Variants in RPS6KA2 observed in about 807,000 individuals in gnomAD.
RPS6KA2 encodes the protein ribosomal protein S6 kinase A2.
Under a neutral mutation model 91.8 loss-of-function variants are expected in RPS6KA2, and 42 were observed. That is an observed-to-expected ratio of 0.46 (90% confidence interval 0.36 to 0.59). The LOEUF (loss-of-function observed/expected upper bound fraction) is 0.59. RPS6KA2 is among the 20% of genes least tolerant of loss of function. The pLI is 0.00. For synonymous variants in RPS6KA2, 414 were observed against 393.6 expected, an observed-to-expected ratio of 1.05 and a Z score of -0.61; for missense variants, 798 against 978.5, an observed-to-expected ratio of 0.82 and a Z score of 2.46.
chr6:166,774,975 G>C (rs2072640), intron 2 of RPS6KA2, among the ~76,000 whole-genome samples: 1 of 151,974 alleles, frequency 6.6e-6, no homozygotes, highest in South Asian at 2.1e-4. Flanking sequence ...GAGGAGAAAC[G>C]GCAGGTGGCA....
In RPS6KA2 at chr6:166,681,086, C is replaced by T. The variant is rs575858701; in HGVS notation, c.124-142302G>A. Reference sequence around the variant, plus strand: ...TTGTTCCCTAGTGAAGCACAGAAAGCAGGGAAAATTGGAGAAGGTGGAAAG... The same window carrying T: ...TTGTTCCCTAGTGAAGCACAGAAAGTAGGGAAAATTGGAGAAGGTGGAAAG... On this transcript the variant is annotated intron_variant, in intron 2 of 21. Transcript: ENST00000503859. Among the ~76,000 whole-genome samples, 3 of 152,282 alleles carry T rather than the reference C, an allele frequency of 2.0e-5. 1 individual carries two copies. Among genetic ancestry groups the T allele is most frequent in the Admixed American group, 2.0e-4 (3 of 15,298 alleles).
chr6:166,485,484 T>C (rs2128471700), intron 10 of RPS6KA2, among the ~76,000 whole-genome samples: 1 of 152,114 alleles, frequency 6.6e-6, no homozygotes, highest in African/African-American at 2.4e-5. Flanking sequence ...CCCAGAAGGA[T>C]TACATCCACA....
intron 1 of RPS6KA2, among the ~76,000 whole-genome samples, chr6:166,606,629 C>T (rs1785965253): frequency 6.6e-6 from 1 of 152,166 alleles, no homozygotes. Flanking sequence ...ATACATAATT[C>T]TTATAACTCA....
chr6:166,631,631 C>G (rs1267397584), upstream of RPS6KA2, among the ~76,000 whole-genome samples: 3 of 152,226 alleles, frequency 2.0e-5, no homozygotes, highest in African/African-American at 7.2e-5. Flanking sequence ...CCTGGTAACA[C>G]AGATTTTTTT....
In RPS6KA2 at chr6:166,412,903, C is replaced by T; in HGVS notation, c.2077-16G>A. On this transcript the variant is annotated splice_polypyrimidine_tract_variant and intron_variant, in intron 20 of 20. Transcript: ENST00000265678. The surrounding 1 kb of genome is among the most constrained non-coding windows in gnomAD (Gnocchi z 4.3). Reference sequence around the variant, plus strand: ...CCATCGCGCCCTGCAAAACAGAAGACAAGGGTGAGAGCCGCGGCGCCTCAC... The same window carrying T: ...CCATCGCGCCCTGCAAAACAGAAGATAAGGGTGAGAGCCGCGGCGCCTCAC... 6.5e-7 allele frequency: 1 copy of T among 1,545,708 alleles called. No homozygotes were observed. The highest frequency in any genetic ancestry group is 8.7e-7 in the Non-Finnish European group (1 of 1,143,544).
intron 1 of RPS6KA2, among the ~76,000 whole-genome samples, chr6:166,559,057 T>A (rs1340864806): frequency 6.6e-6 from 1 of 152,248 alleles, no homozygotes; most frequent in East Asian, 1.9e-4. Flanking sequence ...CTGATATTCA[T>A]AAACTTGCTA....
At position 166,508,189 on chromosome 6, in the gene RPS6KA2, T is replaced by C; in HGVS notation, c.459+14A>G. ...CTCCTGCCCGCCCTCCTGTGTGATG[T>C]GGCGGCTGCTCACCTCTTTGGAGAG... On this transcript the variant is annotated intron_variant, in intron 5 of 20. Coordinates refer to ENST00000265678, the MANE Select transcript of RPS6KA2 (RefSeq NM_021135.6). This position sits in a 1 kb window ranked among gnomAD's most constrained non-coding sequence, Gnocchi z 4.3. The C allele has an allele frequency of 1.3e-6, 2 of 1,583,388 alleles. No homozygotes were observed. Among genetic ancestry groups the C allele is most frequent in the East Asian group, 2.2e-5 (1 of 44,678 alleles).
chr6:166,849,102 C>T lies in RPS6KA2; in HGVS notation c.123+9098G>A, dbSNP rs1780673764. On this transcript the variant is annotated intron_variant, in intron 2 of 21. Transcript: ENST00000503859. The surrounding 1 kb of genome is among the most constrained non-coding windows in gnomAD (Gnocchi z 4.9). ...CAGCCTGGGCAGCCCCAGGCCTGCA[C>T]ATGGTTCCTGAAGCCAAGCCCAGCT... 6.6e-6 allele frequency among the ~76,000 whole-genome samples: 1 copy of T among 152,160 alleles called. No homozygotes were observed. Among genetic ancestry groups the T allele is most frequent in the African/African-American group, 2.4e-5 (1 of 41,444 alleles).
In RPS6KA2 at chr6:166,586,300, C is replaced by G; in HGVS notation, c.99+40621G>C. 7 of 1,598,818 alleles carry G rather than the reference C, an allele frequency of 4.4e-6. No individual in the cohort carries two copies. In the South Asian group the frequency reaches 7.7e-5, roughly 18 times the overall value. On this transcript the variant is annotated intron_variant, in intron 1 of 20. Transcript: ENST00000265678. ...TCCCTGCCTCTGAACTGTCTGTTGT[C>G]TTGCAACCGATTGCCTCTGTTTCTT...
intron 1 of RPS6KA2, among the ~76,000 whole-genome samples, chr6:166,858,530 G>A (rs1026264397): frequency 6.6e-6 from 1 of 152,228 alleles, no homozygotes; most frequent in African/African-American, 2.4e-5. Flanking sequence ...TCAATGAAGC[G>A]AGTGTGACTT....
chr6:166,664,521 C>A (rs973489085), intron 2 of RPS6KA2, among the ~76,000 whole-genome samples: 3 of 152,088 alleles, frequency 2.0e-5, no homozygotes, highest in African/African-American at 7.2e-5. Context: ...ATGGAGGAAT[C>A]CACACACACA....
rs145199938 is a variant in RPS6KA2, at chr6:166,437,354, T to C, written c.1333-4864A>G. Among the ~76,000 whole-genome samples the C allele has an allele frequency of 9.8e-5, 15 of 152,292 alleles. No individual in the cohort carries two copies. The highest frequency in any genetic ancestry group is 3.3e-4 in the Admixed American group (5 of 15,294). ...AATAATATTGTTTTATAATCTTTAT[T>C]ATGCAACAAAACAGGGAGGCCTTCT... On this transcript the variant is annotated intron_variant, in intron 14 of 20. Coordinates refer to ENST00000265678, the MANE Select transcript of RPS6KA2 (RefSeq NM_021135.6). The surrounding 1 kb of genome is among the most constrained non-coding windows in gnomAD (Gnocchi z 4.3).
intron 1 of RPS6KA2, among the ~76,000 whole-genome samples, chr6:166,573,442 T>C (rs1247924306): frequency 6.6e-6 from 1 of 152,190 alleles, no homozygotes; most frequent in Non-Finnish European, 1.5e-5. Context: ...AGCGCACGTG[T>C]TCTGATGCAG....
At chr6:166,539,381 T>C (rs1409995774) in intron 1 of RPS6KA2, among the ~76,000 whole-genome samples, 1 of 152,164 alleles carries the variant, frequency 6.6e-6, no homozygotes, top group East Asian at 1.9e-4. Context: ...TCTTTAACAG[T>C]CTGGGCAGAA....
In RPS6KA2 at chr6:166,666,451, A is replaced by G. The variant is rs1483156663; in HGVS notation, c.124-127667T>C. Among the ~76,000 whole-genome samples the G allele has an allele frequency of 6.6e-6, 1 of 152,228 alleles. No individual in the cohort carries two copies. The highest frequency in any genetic ancestry group is 2.4e-5 in the African/African-American group (1 of 41,458). On this transcript the variant is annotated intron_variant, in intron 2 of 21. Transcript: ENST00000503859. This position sits in a 1 kb window ranked among gnomAD's most constrained non-coding sequence, Gnocchi z 4.0. ...GTGTTGTTTATAAAATATAAGGATA[A>G]TTTCACCAAAGAAGATATACAAATG...
chr6:166,558,818 T>G (rs959298639), intron 1 of RPS6KA2, among the ~76,000 whole-genome samples: 1 of 152,168 alleles, frequency 6.6e-6, no homozygotes, highest in Non-Finnish European at 1.5e-5. Context: ...GCTGGACACG[T>G]GAACCCATGA....
chr6:166,575,984 C>T (rs1222399636), intron 1 of RPS6KA2, among the ~76,000 whole-genome samples: 1 of 152,180 alleles, frequency 6.6e-6, no homozygotes, highest in African/African-American at 2.4e-5. Context: ...GTAGGAGGGA[C>T]CTGGTGGGAG....
At chr6:166,464,248 G>A (rs1780436561) in intron 11 of RPS6KA2, among the ~76,000 whole-genome samples, 1 of 152,116 alleles carries the variant, frequency 6.6e-6, no homozygotes. Flanking sequence ...CAAGTTCAGG[G>A]CACACCCCAC....
intron 2 of RPS6KA2, among the ~76,000 whole-genome samples, chr6:166,703,759 C>T (rs944157323): frequency 3.3e-5 from 5 of 152,334 alleles, no homozygotes; most frequent in Middle Eastern, 3.4e-3. Flanking sequence ...TGACTGACTA[C>T]AATTCAGAAG....
Sources: gnomAD v4.1 joint callset for allele counts (sites outside exome capture counted in the v4.1 genomes callset) on GRCh38, gnomAD v4.1.1 for gene constraint, Gnocchi (gnomAD v3.1) non-coding constraint, MANE v1.5 for transcripts, NCBI Gene and HGNC (gene_info 2026-07-23, HGNC 2026-07-21) for gene names.